Variants in SLC7A9 observed in about 807,000 individuals in gnomAD.
The protein encoded by SLC7A9 is B(0,+)-type amino acid transporter 1.
In SLC7A9, 38 loss-of-function variants were observed where a neutral mutation model predicts 54.1. The observed-to-expected ratio is 0.70, with a 90% CI of 0.54 to 0.92. SLC7A9 has a LOEUF of 0.92. Among genes scored for constraint, SLC7A9 ranks in the 40% least tolerant of loss-of-function variants. SLC7A9 has a pLI of 0.00. For missense variants in SLC7A9, 537 were observed against 636.1 expected (o/e 0.84, Z 1.68); for synonymous variants, 264 against 258.9 (o/e 1.02, Z -0.19).
chr19:32,866,586 GT>G (rs1968978555), intron 2 of SLC7A9, among the ~76,000 whole-genome samples: 1 of 152,136 alleles, frequency 6.6e-6, no homozygotes, highest in Admixed American at 6.5e-5. Flanking sequence ...CGCCACACCT[GT>G]CCCCAGCTCA....
intron 9 of SLC7A9, among the ~76,000 whole-genome samples, chr19:32,856,885 GCT>G (rs1277316253): frequency 2.6e-5 from 4 of 152,152 alleles, no homozygotes; most frequent in African/African-American, 9.6e-5. Flanking sequence ...GGGTGTGGTG[GCT>G]CACACCTGTA....
intron 12 of SLC7A9, among the ~76,000 whole-genome samples, 183 bp from the exon 13 acceptor site, chr19:32,830,867 T>G (rs916637959): frequency 5.3e-5 from 8 of 152,144 alleles, no homozygotes; most frequent in African/African-American, 1.9e-4. Flanking sequence ...GGCTTCTGTC[T>G]TCTCCCAGAA....
At chr19:32,869,508 G>A (rs1969075346) in intron 1 of SLC7A9, among the ~76,000 whole-genome samples, 178 bp downstream of exon 1, 1 of 152,126 alleles carries the variant, frequency 6.6e-6, no homozygotes, top group African/African-American at 2.4e-5. Context: ...CACCACGCCT[G>A]GCCAGGTACT....
chr19:32,830,914 C>T (rs533618797), intron 12 of SLC7A9, among the ~76,000 whole-genome samples: 7 of 152,008 alleles, frequency 4.6e-5, no homozygotes, highest in Non-Finnish European at 1.0e-4. Flanking sequence ...TAGGAGTGTC[C>T]GGAGGGACGA....
chr19:32,855,660 C>T (rs1245962618), intron 9 of SLC7A9, among the ~76,000 whole-genome samples: 1 of 151,974 alleles, frequency 6.6e-6, no homozygotes, highest in Admixed American at 6.6e-5. Context: ...CGAGATCATG[C>T]CACTGCACTC....
intron 3 of SLC7A9, 105 bp downstream of exon 3, chr19:32,864,524 T>C: frequency 6.5e-7 from 1 of 1,538,244 alleles, no homozygotes; most frequent in Non-Finnish European, 8.9e-7. Flanking sequence ...TTGCCATACA[T>C]GTGCCAAGAG....
intron 11 of SLC7A9, among the ~76,000 whole-genome samples, chr19:32,837,908 G>C (rs1968011019): frequency 1.3e-5 from 2 of 152,318 alleles, no homozygotes; most frequent in African/African-American, 2.4e-5. Context: ...GGATTCTATA[G>C]TTCAGGGTGT....
At chr19:32,845,870 G>A (rs2145816264) in intron 9 of SLC7A9, among the ~76,000 whole-genome samples, 1 of 152,230 alleles carries the variant, frequency 6.6e-6, no homozygotes, top group East Asian at 1.9e-4. Flanking sequence ...TAGGTGTGAT[G>A]GCAGGTGCCT....
intron 12 of SLC7A9, among the ~76,000 whole-genome samples, chr19:32,832,265 G>A (rs556797117): frequency 6.6e-6 from 1 of 151,006 alleles, no homozygotes; most frequent in African/African-American, 2.4e-5. Context: ...TTCCAGCCTG[G>A]ACAACAAGAG....
rs190542014 is a variant in SLC7A9 at position 32,845,790 on chromosome 19, T to C, written c.978-1839A>G. Among the ~76,000 whole-genome samples the C allele has an allele frequency of 3.3e-5, 5 of 152,136 alleles. No homozygotes were observed. In the East Asian group the frequency reaches 9.7e-4, roughly 29 times the overall value. On this transcript the variant is annotated intron_variant, in intron 9 of 12. Coordinates refer to ENST00000023064, the MANE Select transcript of SLC7A9 (RefSeq NM_014270.5). ...CGGGAGGCCGAGGCGGGTGGATCAC[T>C]TGAGGTCAGGAGTTCGAGACCAGCC...
At chr19:32,830,769 T>G in intron 12 of SLC7A9, 85 bp from the exon 13 acceptor site, 1 of 1,097,864 alleles carries the variant, frequency 9.1e-7, no homozygotes, top group Non-Finnish European at 1.4e-6. Context: ...AGGGTGACAT[T>G]GTTTTCAGTC....
At chr19:32,835,395 A>T (rs888346668) in intron 11 of SLC7A9, among the ~76,000 whole-genome samples, 2 of 152,260 alleles carry the variant, frequency 1.3e-5, no homozygotes, top group Admixed American at 1.3e-4. Flanking sequence ...AAAAATGGGC[A>T]ATTAATCTTT....
chr19:32,856,195 G>GTTT (rs199589539), intron 9 of SLC7A9, among the ~76,000 whole-genome samples: 29 of 142,584 alleles, frequency 2.0e-4, no homozygotes, highest in Non-Finnish European at 3.4e-4. Flanking sequence ...ATAGCTAGTG[G>GTTT]TTTTTTTTTT....
intron 9 of SLC7A9, among the ~76,000 whole-genome samples, chr19:32,851,083 C>T (rs1055484205): frequency 6.6e-6 from 1 of 152,100 alleles, no homozygotes; most frequent in African/African-American, 2.4e-5. Flanking sequence ...AGAAGAAAAC[C>T]TAGGCAATAA....
At chr19:32,859,694 G>T in intron 8 of SLC7A9, 147 bp downstream of exon 8, 2 of 758,670 alleles carry the variant, frequency 2.6e-6, no homozygotes, top group South Asian at 3.1e-5. Flanking sequence ...CCTGCCTCCA[G>T]CTCCATGCCG....
chr19:32,830,633 T>C lies in SLC7A9; in HGVS notation c.1451A>G (p.Glu484Gly), dbSNP rs1449281427. ...QMLMEVVPPE[E>G]DPE ...AGACGGAGCTTGTTACTCAGGGTCT[T>C]CCTCCGGTGGGACCACTTCCATTAG... The change falls in exon 13 of 13, where the codon GAA becomes GGA. Residue 484 changes from glutamate (E) to glycine (G), a missense_variant. Coordinates refer to ENST00000023064, the MANE Select transcript of SLC7A9 (RefSeq NM_014270.5). 6.2e-7 allele frequency: 1 copy of C among 1,613,888 alleles called. No homozygotes were observed. The highest frequency in any genetic ancestry group is 1.1e-5 in the South Asian group (1 of 91,084).
chr19:32,832,530 G>C lies in SLC7A9; in HGVS notation c.1399+619C>G, dbSNP rs529149043. On this transcript the variant is annotated intron_variant, in intron 12 of 12. Coordinates refer to ENST00000023064, the MANE Select transcript of SLC7A9 (RefSeq NM_014270.5). ...TGAACCGGGAGGTGGAGGTTGCACAGTGAGCTGAGACCGCACCACTGCACT... is the reference window on the plus strand; with the variant it reads ...TGAACCGGGAGGTGGAGGTTGCACACTGAGCTGAGACCGCACCACTGCACT... 2.7e-5 allele frequency among the ~76,000 whole-genome samples: 4 copies of C among 149,220 alleles called. No homozygotes were observed. In the East Asian group the frequency reaches 8.1e-4, roughly 30 times the overall value.
chr19:32,851,200 T>C (rs1968456306), intron 9 of SLC7A9, among the ~76,000 whole-genome samples: 1 of 152,092 alleles, frequency 6.6e-6, no homozygotes, highest in South Asian at 2.1e-4. Flanking sequence ...AAAGAGCTTC[T>C]GCACAGCAAA....
At chr19:32,847,428 C>T (rs896376406) in intron 9 of SLC7A9, among the ~76,000 whole-genome samples, 5 of 151,166 alleles carry the variant, frequency 3.3e-5, no homozygotes, top group East Asian at 1.9e-4. Context: ...CTGGAAGAAA[C>T]GGTATCAGTA....
Sources: allele counts gnomAD v4.1 joint callset (sites outside exome capture counted in the v4.1 genomes callset), GRCh38; gene constraint gnomAD v4.1.1; transcripts MANE v1.5; gene names NCBI Gene and HGNC (gene_info 2026-07-23, HGNC 2026-07-21).